Variants in MAP3K3 observed in about 807,000 individuals in gnomAD.
MAP3K3 encodes the protein mitogen-activated protein kinase kinase kinase 3, also known as MAP/ERK kinase kinase 3.
In MAP3K3, 12 loss-of-function variants were observed where a neutral mutation model predicts 80.9. The observed-to-expected ratio is 0.15, with a 90% CI of 0.10 to 0.24. The LOEUF is 0.24. Ranked by LOEUF, MAP3K3 falls within the 10% of genes least tolerant of loss-of-function variation. The pLI is 1.00. For synonymous variants in MAP3K3, 272 were observed against 307.1 expected (o/e 0.89, Z 1.19); for missense variants, 596 against 834.7 (o/e 0.71, Z 3.52).
intron 6 of MAP3K3, among the ~76,000 whole-genome samples, chr17:63,671,800 A>G (rs1162562271): frequency 6.6e-6 from 1 of 152,204 alleles, no homozygotes; most frequent in Non-Finnish European, 1.5e-5. Context: ...GATATATCCT[A>G]CATAAATGAA....
intron 4 of MAP3K3, among the ~76,000 whole-genome samples, chr17:63,654,537 T>A (rs1346973816): frequency 6.6e-6 from 1 of 152,198 alleles, no homozygotes; most frequent in African/African-American, 2.4e-5. Context: ...TGTTTACAAG[T>A]GTTTAAATGA....
intron 2 of MAP3K3, among the ~76,000 whole-genome samples, chr17:63,637,928 G>A (rs2034363451): frequency 6.6e-6 from 1 of 152,170 alleles, no homozygotes; most frequent in South Asian, 2.1e-4. Context: ...CACAAGCAGG[G>A]CAGGGCCTTG....
chr17:63,689,951 A>G lies in MAP3K3; in HGVS notation c.1063+216A>G, dbSNP rs2035549395. 2 of 590,390 alleles carry G rather than the reference A, an allele frequency of 3.4e-6. No individual in the cohort carries two copies. The allele number at this position is 590,390 out of a possible 1,614,324, so 36.6% of individuals were successfully genotyped here. A position where few individuals can be genotyped will look rare whatever the true frequency, so the allele number is the denominator to read the frequency against. Reference sequence around the variant, plus strand: ...CTGATCTTTAGTTTTTCCATGTTTAAACTAGGGAAGAGCACACCCTTCATC... The same window carrying G: ...CTGATCTTTAGTTTTTCCATGTTTAGACTAGGGAAGAGCACACCCTTCATC... On this transcript the variant is annotated intron_variant, in intron 11 of 15. Coordinates refer to ENST00000361733, the MANE Select transcript of MAP3K3 (RefSeq NM_002401.5). The surrounding 1 kb of genome is among the most constrained non-coding windows in gnomAD (Gnocchi z 4.3).
At chr17:63,631,962 A>G (rs1057091152) in intron 1 of MAP3K3, among the ~76,000 whole-genome samples, 3 of 152,122 alleles carry the variant, frequency 2.0e-5, no homozygotes, top group Non-Finnish European at 4.4e-5. Flanking sequence ...CCTCCTTATG[A>G]TGCTTTAAGA....
chr17:63,677,509 C>A (rs142258364), intron 6 of MAP3K3, among the ~76,000 whole-genome samples: 2 of 152,188 alleles, frequency 1.3e-5, no homozygotes, highest in Non-Finnish European at 2.9e-5. Flanking sequence ...TTTTGTGTTA[C>A]AGTAGCAAGG....
In MAP3K3 at chr17:63,639,016, A is replaced by C. The variant is rs541723463; in HGVS notation, c.126+6214A>C. The stretch of plus-strand genomic sequence containing the variant: ...AGCCTGGGCGACAGAGCAAGACTCC[A>C]TCTCAGAAAAAAAAGAAAAAAGAAA... On this transcript the variant is annotated intron_variant, in intron 2 of 15. Transcript: ENST00000361733. 2.6e-5 allele frequency among the ~76,000 whole-genome samples: 4 copies of C among 152,256 alleles called. No homozygotes were observed. The East Asian group carries it at 7.7e-4, about 29-fold the overall frequency.
At chr17:63,627,625 A>G (rs1235279683) in intron 1 of MAP3K3, among the ~76,000 whole-genome samples, 1 of 151,320 alleles carries the variant, frequency 6.6e-6, no homozygotes, top group Admixed American at 6.6e-5. Flanking sequence ...TATTTTTAGT[A>G]GAGACAGGGT....
At chr17:63,626,770 A>C (rs2034111059) in intron 1 of MAP3K3, among the ~76,000 whole-genome samples, 1 of 152,260 alleles carries the variant, frequency 6.6e-6, no homozygotes. Flanking sequence ...ACACTGAAGC[A>C]CAGACTCTCC....
At chr17:63,655,692 C>T (rs11655493) in intron 4 of MAP3K3, among the ~76,000 whole-genome samples, 42,512 of 151,844 alleles carry the variant, frequency 0.28, 6,361 homozygotes, top group Middle Eastern at 0.37. Context: ...GGGGGTCTCA[C>T]TATTTTGCCC....
intron 6 of MAP3K3, among the ~76,000 whole-genome samples, chr17:63,675,797 A>G (rs549734072): frequency 1.3e-5 from 2 of 152,308 alleles, no homozygotes; most frequent in South Asian, 4.1e-4. Flanking sequence ...TGTCCCAAGA[A>G]AGCCTGTGAC....
At position 63,681,783 on chromosome 17, in the gene MAP3K3, C is replaced by T; in HGVS notation, c.520C>T (p.Arg174Ter). 1 of 1,520,458 alleles carries T rather than the reference C, an allele frequency of 6.6e-7. No homozygotes were observed. Among genetic ancestry groups the T allele is most frequent in the Non-Finnish European group, 8.9e-7 (1 of 1,128,740 alleles). 94.2% of individuals were successfully genotyped at this position (1,520,458 alleles called of 1,614,324 possible). The stretch of plus-strand genomic sequence containing the variant: ...TGCTCTAGGCTCCCAGAACCCTGGC[C>T]GAAGCTCACCTCCCCCTGGCTATGT... ...HLSVSSQNPG[R>*]SSPPPGYVPE... Residue 174 changes from arginine to a stop codon, truncating the protein, a stop_gained, in exon 7 of 16, where the codon CGA becomes TGA. Transcript: ENST00000361733. LOFTEE classifies it high-confidence loss of function.
intron 2 of MAP3K3, among the ~76,000 whole-genome samples, chr17:63,643,930 G>C (rs888626911): frequency 3.9e-5 from 6 of 152,162 alleles, no homozygotes; most frequent in African/African-American, 1.4e-4. Context: ...AGCATAGCAT[G>C]GTAGTTAAGA....
At chr17:63,680,741 T>C (rs2035313622) in intron 6 of MAP3K3, among the ~76,000 whole-genome samples, 1 of 152,164 alleles carries the variant, frequency 6.6e-6, no homozygotes, top group Non-Finnish European at 1.5e-5. Context: ...TGAAAGTACC[T>C]GTTAATTGGT....
intron 2 of MAP3K3, among the ~76,000 whole-genome samples, chr17:63,637,347 G>A (rs927150624): frequency 5.3e-5 from 8 of 152,156 alleles, no homozygotes; most frequent in Non-Finnish European, 8.8e-5. Context: ...TTTACACAAA[G>A]GTATTGAGTA....
At chr17:63,675,082 G>T (rs1003270286) in intron 6 of MAP3K3, among the ~76,000 whole-genome samples, 1 of 152,048 alleles carries the variant, frequency 6.6e-6, no homozygotes, top group Non-Finnish European at 1.5e-5. Context: ...GTTCTATGAT[G>T]CTACATGAGA....
chr17:63,626,096 A>G (rs1321378785), intron 1 of MAP3K3, among the ~76,000 whole-genome samples: 2 of 152,124 alleles, frequency 1.3e-5, no homozygotes, highest in African/African-American at 4.8e-5. Context: ...AACAAACAAA[A>G]AATAGCTGAA....
intron 1 of MAP3K3, among the ~76,000 whole-genome samples, chr17:63,631,414 G>A (rs2034213623): frequency 6.6e-6 from 1 of 152,160 alleles, no homozygotes; most frequent in African/African-American, 2.4e-5. Context: ...GTGATAAAGG[G>A]TAGAAGATAG....
chr17:63,690,521 C>A, intron 12 of MAP3K3, 109 bp downstream of exon 12: 2 of 1,203,226 alleles, frequency 1.7e-6, no homozygotes, highest in Non-Finnish European at 2.4e-6. Context: ...CTCTGTCATT[C>A]TTCCCAAACT....
intron 4 of MAP3K3, among the ~76,000 whole-genome samples, chr17:63,653,684 A>G (rs1418648131): frequency 6.6e-6 from 1 of 152,126 alleles, no homozygotes; most frequent in Non-Finnish European, 1.5e-5. Context: ...TTTGCCCTTT[A>G]AACCCTGCAC....
Sources: gnomAD v4.1 joint callset for allele counts (sites outside exome capture counted in the v4.1 genomes callset) on GRCh38, gnomAD v4.1.1 for gene constraint, Gnocchi (gnomAD v3.1) non-coding constraint, MANE v1.5 for transcripts, NCBI Gene and HGNC (gene_info 2026-07-23, HGNC 2026-07-21) for gene names.